COG5: variants seen among roughly 807,000 people sequenced by gnomAD.
COG5 encodes the protein conserved oligomeric Golgi complex subunit 5.
COG5 carries 86 observed loss-of-function variants against 110.4 expected under a neutral mutation model. That is an observed-to-expected ratio of 0.78 (90% confidence interval 0.65 to 0.93). COG5 has a LOEUF of 0.93. Ranked by LOEUF, COG5 falls within the 40% of genes least tolerant of loss-of-function variation. The pLI is 0.00. For synonymous variants in COG5, 360 were observed against 334.6 expected (o/e 1.08, Z -0.83); for missense variants, 1,077 against 987.0 (o/e 1.09, Z -1.22).
chr7:107,293,452 C>G (rs1019094664), intron 12 of COG5, among the ~76,000 whole-genome samples: 1 of 152,126 alleles, frequency 6.6e-6, no homozygotes, highest in Admixed American at 6.6e-5. Flanking sequence ...GCGGGTAAGA[C>G]GGGAACAATC....
intron 5 of COG5, among the ~76,000 whole-genome samples, chr7:107,539,567 C>T (rs1162082618): frequency 6.6e-6 from 1 of 152,094 alleles, no homozygotes; most frequent in East Asian, 1.9e-4. Context: ...GGAGTAACTG[C>T]TAATGGGCAT....
At chr7:107,560,546 T>C (rs1803693919) in intron 1 of COG5, among the ~76,000 whole-genome samples, 1 of 152,140 alleles carries the variant, frequency 6.6e-6, no homozygotes, top group Admixed American at 6.6e-5. Context: ...TATACCAAGA[T>C]GAACATAAAC....
Position 107,523,958 on chromosome 7 carries a change from T to C in COG5, c.538+3279A>G, listed in dbSNP as rs1411188980. Among the ~76,000 whole-genome samples, 3 of 152,180 alleles carry C rather than the reference T, an allele frequency of 2.0e-5. No individual in the cohort carries two copies. In the East Asian group the frequency reaches 5.8e-4, roughly 29 times the overall value. Reference sequence around the variant, plus strand: ...TATTTATCCAAGAGAAATGAAAGGATATGTTCCTACAAAGACTTGTACATG... The same window carrying C: ...TATTTATCCAAGAGAAATGAAAGGACATGTTCCTACAAAGACTTGTACATG... On this transcript the variant is annotated intron_variant, in intron 6 of 21. Transcript: ENST00000297135.
intron 6 of COG5, among the ~76,000 whole-genome samples, chr7:107,448,569 C>G (rs560798383): frequency 2.2e-3 from 342 of 152,258 alleles, no homozygotes; most frequent in African/African-American, 7.7e-3. Context: ...TATTTCCCCC[C>G]TTTTGTGGCA....
chr7:107,419,972 TTAA>T (rs1008180464), intron 6 of COG5, among the ~76,000 whole-genome samples: 2 of 152,184 alleles, frequency 1.3e-5, no homozygotes, highest in African/African-American at 4.8e-5. Context: ...TTAAACCTTT[TTAA>T]TAATCTTTGA....
intron 7 of COG5, among the ~76,000 whole-genome samples, chr7:107,403,866 G>A (rs983884730): frequency 1.2e-4 from 18 of 151,954 alleles, no homozygotes; most frequent in African/African-American, 4.4e-4. Context: ...AAAATGAAGT[G>A]ACAATTTATC....
chr7:107,547,502 T>C (rs953087291), intron 5 of COG5, among the ~76,000 whole-genome samples: 1 of 152,110 alleles, frequency 6.6e-6, no homozygotes, highest in Non-Finnish European at 1.5e-5. Context: ...TTCATCAACA[T>C]AGCCACTGGA....
At chr7:107,457,594 A>G (rs913407918) in intron 6 of COG5, among the ~76,000 whole-genome samples, 2 of 151,828 alleles carry the variant, frequency 1.3e-5, no homozygotes, top group African/African-American at 4.8e-5. Context: ...ATGCCCGGCT[A>G]ATTTTTTGTA....
chr7:107,288,933 T>G (rs867887145), intron 12 of COG5, among the ~76,000 whole-genome samples: 5,830 of 108,122 alleles, frequency 0.054, 331 homozygotes, highest in Non-Finnish European at 0.067. Flanking sequence ...TATATATATA[T>G]ATATATATAT....
chr7:107,544,749 A>T (rs1584951779), intron 5 of COG5, among the ~76,000 whole-genome samples: 3 of 152,338 alleles, frequency 2.0e-5, no homozygotes. Flanking sequence ...CAAGAATCAC[A>T]ATCAGGGAAA....
intron 5 of COG5, 40 bp from the exon 6 acceptor site, chr7:107,527,397 A>G: frequency 6.2e-7 from 1 of 1,607,842 alleles, no homozygotes. Flanking sequence ...TGATCCATGA[A>G]GTTTTATTAC....
rs1813155852 is a variant in COG5, at chr7:107,361,960, A to G, written c.1026+73T>C. On this transcript the variant is annotated intron_variant, in intron 10 of 21. Coordinates refer to ENST00000297135, the MANE Select transcript of COG5 (RefSeq NM_006348.5). ...GTAGCCACTCTATAAGGTAGTAGTA[A>G]CACAAATGATGCTGACTCATATATT... 22 of 996,100 alleles carry G rather than the reference A, an allele frequency of 2.2e-5. No homozygotes were observed. The South Asian group carries it at 3.0e-4, about 14-fold the overall frequency. 61.7% of individuals were successfully genotyped at this position (996,100 alleles called of 1,614,324 possible).
chr7:107,427,221 A>T (rs963555560), intron 6 of COG5, among the ~76,000 whole-genome samples: 2 of 152,174 alleles, frequency 1.3e-5, no homozygotes, highest in Non-Finnish European at 1.5e-5. Flanking sequence ...GAGGTAAGGA[A>T]AATAATGGAG....
intron 6 of COG5, among the ~76,000 whole-genome samples, chr7:107,495,244 G>A (rs1798204642): frequency 6.6e-6 from 1 of 152,166 alleles, no homozygotes; most frequent in South Asian, 2.1e-4. Flanking sequence ...AAAGAGGTAA[G>A]GGCCATAATT....
rs1803439183 is a variant in COG5, at chr7:107,557,853, A to C, written c.234+123T>G. 21 of 1,267,354 alleles carry C rather than the reference A, an allele frequency of 1.7e-5. No individual in the cohort carries two copies. The South Asian group carries it at 2.1e-4, about 13-fold the overall frequency. The allele number at this position is 1,267,354 out of a possible 1,614,324, so 78.5% of individuals were successfully genotyped here. On this transcript the variant is annotated intron_variant, in intron 2 of 21. Coordinates refer to ENST00000297135, the MANE Select transcript of COG5 (RefSeq NM_006348.5). The stretch of plus-strand genomic sequence containing the variant: ...TTTCAAAAATTTACTTTGAAAAATA[A>C]GTCACACTGGTAAGTATGTACTTCT...
intron 19 of COG5, among the ~76,000 whole-genome samples, chr7:107,221,531 G>A (rs918606792): frequency 2.7e-4 from 41 of 152,012 alleles, no homozygotes; most frequent in Admixed American, 2.2e-3. Flanking sequence ...TTGGGAGGCC[G>A]AGGCAGGCAG....
chr7:107,478,332 T>TCATGA (rs1212411078), intron 6 of COG5, among the ~76,000 whole-genome samples: 16 of 152,102 alleles, frequency 1.1e-4, no homozygotes, highest in Admixed American at 8.5e-4. Flanking sequence ...GATAATTCTG[T>TCATGA]ACTTCTGACC....
chr7:107,219,947 AAT>A (rs1012372492), intron 19 of COG5, among the ~76,000 whole-genome samples: 3 of 152,228 alleles, frequency 2.0e-5, no homozygotes, highest in Non-Finnish European at 4.4e-5. Context: ...ACAATAAACA[AAT>A]ATATGTTAAC....
chr7:107,258,198 C>G, intron 15 of COG5, 75 bp downstream of exon 15: 1 of 858,774 alleles, frequency 1.2e-6, no homozygotes, highest in South Asian at 1.4e-5. Context: ...TACTAAATAA[C>G]AATTTGTAAA....
Sources: gnomAD v4.1 joint callset for allele counts (sites outside exome capture counted in the v4.1 genomes callset) on GRCh38, gnomAD v4.1.1 for gene constraint, MANE v1.5 for transcripts, NCBI Gene and HGNC (gene_info 2026-07-23, HGNC 2026-07-21) for gene names.